Variants in GMDS observed in about 807,000 individuals in gnomAD.
GMDS encodes GDP-mannose 4,6-dehydratase, also known as GDP-mannose 4,6 dehydratase.
Under a neutral mutation model 49.9 loss-of-function variants are expected in GMDS, and 20 were observed. That is an observed-to-expected ratio of 0.40 (90% CI 0.28 to 0.58). The LOEUF is 0.58. GMDS is among the 20% of genes least tolerant of loss of function. The pLI, the probability that GMDS is intolerant of heterozygous loss-of-function variation, is 0.42. For synonymous variants in GMDS, 177 were observed against 178.6 expected, an observed-to-expected ratio of 0.99 and a Z score of 0.07; for missense variants, 362 against 481.4, an observed-to-expected ratio of 0.75 and a Z score of 2.32.
chr6:1,691,315 C>T (rs1044862088), intron 9 of GMDS, among the ~76,000 whole-genome samples: 2 of 151,666 alleles, frequency 1.3e-5, no homozygotes, highest in Non-Finnish European at 2.9e-5. Flanking sequence ...ACAATGAGAA[C>T]ACATGGACAC....
intron 9 of GMDS, among the ~76,000 whole-genome samples, chr6:1,719,201 T>C (rs1766278955): frequency 6.6e-6 from 1 of 152,132 alleles, no homozygotes; most frequent in African/African-American, 2.4e-5. Flanking sequence ...GGTGGACCTA[T>C]CACCTTGGCA....
At chr6:2,123,042 T>C (rs1168823373) in intron 2 of GMDS, among the ~76,000 whole-genome samples, 1 of 152,262 alleles carries the variant, frequency 6.6e-6, no homozygotes, top group Non-Finnish European at 1.5e-5. Flanking sequence ...TGCATCGATT[T>C]GCAAATCTCT....
chr6:1,681,919 TC>T (rs1249180730), intron 9 of GMDS, among the ~76,000 whole-genome samples: 1 of 152,176 alleles, frequency 6.6e-6, no homozygotes, highest in Non-Finnish European at 1.5e-5. Flanking sequence ...TGGTCTCAAT[TC>T]TTGGGCTCAA....
chr6:2,066,806 T>A (rs1159189307), intron 4 of GMDS, among the ~76,000 whole-genome samples: 1 of 151,708 alleles, frequency 6.6e-6, no homozygotes, highest in Non-Finnish European at 1.5e-5. Flanking sequence ...CTCCCACACA[T>A]TAATAATGGG....
intron 7 of GMDS, among the ~76,000 whole-genome samples, chr6:1,754,544 C>A (rs1025280278): frequency 2.0e-5 from 3 of 152,154 alleles, no homozygotes; most frequent in African/African-American, 7.2e-5. Context: ...CCAGCATCAT[C>A]CTGATACCAA....
intron 4 of GMDS, among the ~76,000 whole-genome samples, chr6:1,964,718 C>A: frequency 6.6e-6 from 1 of 152,082 alleles, no homozygotes; most frequent in East Asian, 1.9e-4. Flanking sequence ...TTTTGGGGTA[C>A]ATGTGCACAG....
At chr6:1,886,663 A>T (rs1759622021) in intron 7 of GMDS, among the ~76,000 whole-genome samples, 1 of 152,222 alleles carries the variant, frequency 6.6e-6, no homozygotes, top group East Asian at 1.9e-4. Context: ...TATTTATCTT[A>T]TATTTATCAA....
intron 4 of GMDS, among the ~76,000 whole-genome samples, chr6:1,987,031 G>A (rs1413969845): frequency 6.6e-6 from 1 of 152,120 alleles, no homozygotes; most frequent in Non-Finnish European, 1.5e-5. Context: ...GTTGTTTGAG[G>A]CAACGTTGTA....
intron 4 of GMDS, among the ~76,000 whole-genome samples, chr6:1,966,614 C>T (rs1489999271): frequency 6.6e-6 from 1 of 152,196 alleles, no homozygotes; most frequent in African/African-American, 2.4e-5. Flanking sequence ...TGTGTCATCA[C>T]TCAGTCCGAG....
intron 1 of GMDS, among the ~76,000 whole-genome samples, chr6:2,196,224 C>T (rs1779270001): frequency 1.3e-5 from 2 of 152,200 alleles, no homozygotes; most frequent in South Asian, 4.1e-4. Flanking sequence ...CTATAATTAT[C>T]AAGGACTAAA....
At chr6:2,075,860 C>T (rs373797182) in intron 4 of GMDS, among the ~76,000 whole-genome samples, 11 of 151,440 alleles carry the variant, frequency 7.3e-5, no homozygotes, top group African/African-American at 2.2e-4. Flanking sequence ...TGAACTAGTT[C>T]ACAGTCCCAC....
At chr6:2,208,649 G>A (rs769057140) in intron 1 of GMDS, among the ~76,000 whole-genome samples, 11 of 152,194 alleles carry the variant, frequency 7.2e-5, no homozygotes, top group Middle Eastern at 3.4e-3. Context: ...TAGATTTATG[G>A]CAGCCCAAAC....
chr6:1,918,725 G>A (rs1015106603), intron 7 of GMDS, among the ~76,000 whole-genome samples: 2 of 152,098 alleles, frequency 1.3e-5, no homozygotes, highest in Non-Finnish European at 2.9e-5. Flanking sequence ...CTCCAGTATG[G>A]GTGACAGAGT....
chr6:1,983,859 C>T (rs1306397515), intron 4 of GMDS, among the ~76,000 whole-genome samples: 1 of 152,172 alleles, frequency 6.6e-6, no homozygotes, highest in Non-Finnish European at 1.5e-5. Flanking sequence ...ATCCAGCAAT[C>T]CCATTACTGG....
chr6:1,830,253 G>T (rs778775592), intron 7 of GMDS, among the ~76,000 whole-genome samples: 1 of 152,130 alleles, frequency 6.6e-6, no homozygotes, highest in Non-Finnish European at 1.5e-5. Flanking sequence ...TCTAGATCAG[G>T]ATTTCCCAAC....
intron 7 of GMDS, among the ~76,000 whole-genome samples, chr6:1,759,384 G>A (rs886791550): frequency 6.6e-6 from 1 of 152,226 alleles, no homozygotes; most frequent in African/African-American, 2.4e-5. Flanking sequence ...CCTGCTAAGT[G>A]TTAGAGCTGG....
intron 7 of GMDS, among the ~76,000 whole-genome samples, chr6:1,773,832 G>A (rs949775658): frequency 1.1e-4 from 16 of 152,236 alleles, no homozygotes; most frequent in African/African-American, 3.1e-4. Context: ...ATGAAAGGGT[G>A]TAGACTTGTT....
intron 6 of GMDS, among the ~76,000 whole-genome samples, chr6:1,942,517 G>C (rs1252958271): frequency 6.6e-6 from 1 of 152,170 alleles, no homozygotes; most frequent in African/African-American, 2.4e-5. Context: ...TTGAGGGAGT[G>C]GAAACCTGAC....
At chr6:2,005,976 G>A (rs906438788) in intron 4 of GMDS, among the ~76,000 whole-genome samples, 2 of 151,990 alleles carry the variant, frequency 1.3e-5, no homozygotes, top group African/African-American at 2.4e-5. Flanking sequence ...CATTTTGTCA[G>A]ACTGATTTCC....
Sources: gnomAD v4.1 joint callset for allele counts (sites outside exome capture counted in the v4.1 genomes callset) on GRCh38, gnomAD v4.1.1 for gene constraint, MANE v1.5 for transcripts, NCBI Gene and HGNC (gene_info 2026-07-23, HGNC 2026-07-21) for gene names.